Variants in ZNF777 observed in about 807,000 individuals in gnomAD.
ZNF777 encodes the protein zinc finger protein 777.
Under a neutral mutation model 72.1 loss-of-function variants are expected in ZNF777, and 7 were observed. The ratio of observed to expected loss-of-function variants is 0.10; its 90% confidence interval spans 0.06 to 0.18. The LOEUF (loss-of-function observed/expected upper bound fraction) is 0.18. Among genes scored for constraint, ZNF777 ranks in the 10% least tolerant of loss-of-function variants. ZNF777 has a pLI of 1.00. For missense variants in ZNF777, 828 were observed against 1,128.6 expected, an observed-to-expected ratio of 0.73 and a Z score of 3.82; for synonymous variants, 545 against 483.5, an observed-to-expected ratio of 1.13 and a Z score of -1.67.
chr7:149,437,495 G>GT (rs1799433972), intron 4 of ZNF777, among the ~76,000 whole-genome samples: 1 of 152,152 alleles, frequency 6.6e-6, no homozygotes, highest in Non-Finnish European at 1.5e-5. Context: ...GGGCATTTGG[G>GT]TTTGTTTTTA....
chr7:149,446,106 G>A (rs775395443), intron 4 of ZNF777, among the ~76,000 whole-genome samples: 10 of 152,212 alleles, frequency 6.6e-5, no homozygotes, highest in African/African-American at 1.2e-4. Context: ...TTGGGAGGCC[G>A]GATGTGGTGG....
chr7:149,442,911 C>T (rs1799548474), intron 4 of ZNF777, among the ~76,000 whole-genome samples: 1 of 152,018 alleles, frequency 6.6e-6, no homozygotes, highest in African/African-American at 2.4e-5. Context: ...ATAAATAATA[C>T]CTATTACTGG....
intron 1 of ZNF777, among the ~76,000 whole-genome samples, chr7:149,458,379 A>ATTAC (rs1330083714): frequency 6.6e-6 from 1 of 152,198 alleles, no homozygotes; most frequent in Non-Finnish European, 1.5e-5. Context: ...CAATAGGCAC[A>ATTAC]TTACAGCCCT....
Position 149,460,190 on chromosome 7 carries a change from A to G in ZNF777, c.-16+625T>C, listed in dbSNP as rs1585708384. 1.3e-6 allele frequency: 1 copy of G among 767,892 alleles called. No homozygotes were observed. Among genetic ancestry groups the G allele is most frequent in the Non-Finnish European group, 1.6e-6 (1 of 634,480 alleles). 47.6% of individuals were successfully genotyped at this position (767,892 alleles called of 1,614,324 possible). A position where few individuals can be genotyped will look rare whatever the true frequency, so the allele number is the denominator to read the frequency against. On this transcript the variant is annotated intron_variant, in intron 1 of 5. Coordinates refer to ENST00000247930, the MANE Select transcript of ZNF777 (RefSeq NM_015694.3). This position sits in a 1 kb window ranked among gnomAD's most constrained non-coding sequence, Gnocchi z 6.1. Reference sequence around the variant, plus strand: ...CCGGGCCCCCGGAGTCGCCGCCGCTACTGCCGCCGCCGCTACTGCGCGCGG... The same window carrying G: ...CCGGGCCCCCGGAGTCGCCGCCGCTGCTGCCGCCGCCGCTACTGCGCGCGG...
intron 4 of ZNF777, among the ~76,000 whole-genome samples, chr7:149,441,821 G>A (rs936317549): frequency 2.0e-5 from 3 of 151,480 alleles, no homozygotes; most frequent in African/African-American, 7.3e-5. Context: ...TGTTTTCTAG[G>A]GCAAAAAATA....
intron 4 of ZNF777, among the ~76,000 whole-genome samples, chr7:149,445,064 A>T (rs1374812565): frequency 6.7e-6 from 1 of 149,944 alleles, no homozygotes; most frequent in African/African-American, 2.5e-5. Flanking sequence ...CTTTATTTTT[A>T]TTTTTTTCCC....
chr7:149,438,802 C>G (rs754475725), intron 4 of ZNF777, among the ~76,000 whole-genome samples: 6 of 152,160 alleles, frequency 3.9e-5, no homozygotes, highest in African/African-American at 7.2e-5. Context: ...ATGACCTAAG[C>G]TGGATTCCTT....
chr7:149,455,806 G>C lies in ZNF777; in HGVS notation c.217C>G (p.His73Asp). ...AGTGAGGGTCCCTTCTGGAGCACATGTGGCATCCGGCCAGAAGTCTCTTGC... is the reference window on the plus strand; with the variant it reads ...AGTGAGGGTCCCTTCTGGAGCACATCTGGCATCCGGCCAGAAGTCTCTTGC... ...PKQETSGRMP[H>D]VLQKGPSLLC... The change falls in exon 2 of 6, where the codon CAT (histidine) becomes GAT (aspartate). Residue 73 changes from histidine (H) to aspartate (D), a missense_variant. His to Asp is a moderately conservative substitution (Grantham distance 81). Coordinates refer to ENST00000247930, the MANE Select transcript of ZNF777 (RefSeq NM_015694.3). This position sits in a 1 kb window ranked among gnomAD's most constrained non-coding sequence, Gnocchi z 4.2. 1 of 1,612,818 alleles carries C rather than the reference G, an allele frequency of 6.2e-7. No homozygotes were observed.
intron 4 of ZNF777, among the ~76,000 whole-genome samples, chr7:149,438,410 T>C (rs1293185872): frequency 6.6e-6 from 1 of 152,238 alleles, no homozygotes; most frequent in African/African-American, 2.4e-5. Flanking sequence ...CATTCACGTT[T>C]TGTTCCCAGA....
chr7:149,438,584 T>C (rs913164855), intron 4 of ZNF777, among the ~76,000 whole-genome samples: 1 of 152,220 alleles, frequency 6.6e-6, no homozygotes, highest in African/African-American at 2.4e-5. Flanking sequence ...ACATAGACCT[T>C]ACATAAGGTG....
Position 149,460,119 on chromosome 7 carries a change from T to G in ZNF777, c.-16+696A>C, listed in dbSNP as rs1799919515. On this transcript the variant is annotated intron_variant, in intron 1 of 5. Transcript: ENST00000247930. The surrounding 1 kb of genome is among the most constrained non-coding windows in gnomAD (Gnocchi z 6.1). ...GCGTCCGTGCGCGCGCGGGCCGCCC[T>G]CACAGGAGCCGGGGCCGCCTCGGCC... 1.0e-6 allele frequency: 1 copy of G among 980,860 alleles called. No homozygotes were observed. The highest frequency in any genetic ancestry group is 1.8e-5 in the African/African-American group (1 of 56,408). 60.8% of individuals were successfully genotyped at this position (980,860 alleles called of 1,614,324 possible).
rs58716611 is a variant in ZNF777 at position 149,438,894 on chromosome 7, A to G, written c.1088-2068T>C. ...AGTGGATGGAATATAAAGCAGCTCTAATGTTCTCATTTACCCCCCCGCCAC... is the reference window on the plus strand; with the variant it reads ...AGTGGATGGAATATAAAGCAGCTCTGATGTTCTCATTTACCCCCCCGCCAC... On this transcript the variant is annotated intron_variant, in intron 4 of 5. Coordinates refer to ENST00000247930, the MANE Select transcript of ZNF777 (RefSeq NM_015694.3). Among the ~76,000 whole-genome samples, 231 of 152,222 alleles carry G rather than the reference A, an allele frequency of 1.5e-3. 1 individual carries two copies. The highest frequency in any genetic ancestry group is 5.3e-3 in the African/African-American group (222 of 41,532).
chr7:149,443,671 C>G (rs1799561766), intron 4 of ZNF777, among the ~76,000 whole-genome samples: 1 of 152,092 alleles, frequency 6.6e-6, no homozygotes, highest in South Asian at 2.1e-4. Context: ...CATCTTCCAC[C>G]CCTTGGATTC....
At chr7:149,443,951 G>A (rs1730250763) in intron 4 of ZNF777, among the ~76,000 whole-genome samples, 1 of 152,004 alleles carries the variant, frequency 6.6e-6, no homozygotes, top group Non-Finnish European at 1.5e-5. Flanking sequence ...CCTGCTCCCC[G>A]AAGCAATCAC....
At position 149,455,164 on chromosome 7, in the gene ZNF777, G is replaced by A; in HGVS notation, c.846+13C>T. 4 of 1,603,492 alleles carry A rather than the reference G, an allele frequency of 2.5e-6. No individual in the cohort carries two copies. In the East Asian group the frequency reaches 8.9e-5, roughly 36 times the overall value. On this transcript the variant is annotated intron_variant, in intron 2 of 5. Coordinates refer to ENST00000247930, the MANE Select transcript of ZNF777 (RefSeq NM_015694.3). The surrounding 1 kb of genome is among the most constrained non-coding windows in gnomAD (Gnocchi z 4.2). ...ATCACTTCCTTGGGAAGCCCCAGTT[G>A]GGATGTGCTTACCTTGGGAACTTCT...
chr7:149,431,684 C>T lies in ZNF777; in HGVS notation c.*92G>A. The T allele has an allele frequency of 1.8e-6, 2 of 1,132,772 alleles. No homozygotes were observed. 70.2% of individuals were successfully genotyped at this position (1,132,772 alleles called of 1,614,324 possible). On this transcript the variant is annotated 3_prime_UTR_variant, in exon 6 of 6. Transcript: ENST00000247930. ...CTCACGGCAAAGGGGCTGGGGGGCGCCCCGCCCCCGCCCGCTGGGCTCGGG... is the reference window on the plus strand; with the variant it reads ...CTCACGGCAAAGGGGCTGGGGGGCGTCCCGCCCCCGCCCGCTGGGCTCGGG...
At chr7:149,458,541 CA>C (rs1320926679) in intron 1 of ZNF777, among the ~76,000 whole-genome samples, 1 of 151,944 alleles carries the variant, frequency 6.6e-6, no homozygotes, top group African/African-American at 2.4e-5. Flanking sequence ...CAAAACAAAA[CA>C]AAACCCTCCA....
rs368335922 is a variant in ZNF777 at position 149,431,457 on chromosome 7, G to A, written c.*319C>T. The A allele has an allele frequency of 3.2e-5, 14 of 443,732 alleles. No homozygotes were observed. The highest frequency in any genetic ancestry group is 3.1e-4 in the East Asian group (4 of 12,870). 27.5% of individuals were successfully genotyped at this position (443,732 alleles called of 1,614,324 possible). A position where few individuals can be genotyped will look rare whatever the true frequency, so the allele number is the denominator to read the frequency against. On this transcript the variant is annotated 3_prime_UTR_variant, in exon 6 of 6. Coordinates refer to ENST00000247930, the MANE Select transcript of ZNF777 (RefSeq NM_015694.3). Reference sequence around the variant, plus strand: ...TCCCCAACTAGATGGGCCCTACACCGCCCCTCTGAGTGGCCGGCGGCCAAA... The same window carrying A: ...TCCCCAACTAGATGGGCCCTACACCACCCCTCTGAGTGGCCGGCGGCCAAA...
rs181647299 is a variant in ZNF777 at position 149,449,176 on chromosome 7, G to A, written c.1087+1823C>T. On this transcript the variant is annotated intron_variant, in intron 4 of 5. Coordinates refer to ENST00000247930, the MANE Select transcript of ZNF777 (RefSeq NM_015694.3). ...GGCCTTTGGTTTAGCACAGAGGTGC[G>A]AGTGTGCGGCCCACTCTGAGGGGCA... Among the ~76,000 whole-genome samples the A allele has an allele frequency of 9.8e-4, 150 of 152,326 alleles. 2 individuals carry two copies. The highest frequency in any genetic ancestry group is 3.5e-3 in the African/African-American group (144 of 41,574).
Sources: allele counts gnomAD v4.1 joint callset (sites outside exome capture counted in the v4.1 genomes callset), GRCh38; gene constraint gnomAD v4.1.1; non-coding constraint Gnocchi (gnomAD v3.1); transcripts MANE v1.5; gene names NCBI Gene and HGNC (gene_info 2026-07-23, HGNC 2026-07-21).